Variants in RAD21L1 observed in about 807,000 individuals in gnomAD.
The protein encoded by RAD21L1 is double-strand-break repair protein rad21-like protein 1.
In RAD21L1, 47 loss-of-function variants were observed where a neutral mutation model predicts 69.0. That is an observed-to-expected ratio of 0.68 (90% confidence interval 0.54 to 0.87). The LOEUF (loss-of-function observed/expected upper bound fraction) is 0.87. RAD21L1 is among the 40% of genes least tolerant of loss of function. The pLI is 0.00. For missense variants in RAD21L1, 583 were observed against 647.6 expected, an observed-to-expected ratio of 0.90 and a Z score of 1.08; for synonymous variants, 177 against 205.8, an observed-to-expected ratio of 0.86 and a Z score of 1.20.
intron 11 of RAD21L1, among the ~76,000 whole-genome samples, 155 bp downstream of exon 11, chr20:1,244,325 G>T (rs906094762): frequency 2.0e-5 from 3 of 152,150 alleles, no homozygotes; most frequent in Non-Finnish European, 1.5e-5. Context: ...GGTAAAACAT[G>T]ATTTTCTTCT....
intron 5 of RAD21L1, among the ~76,000 whole-genome samples, chr20:1,237,364 A>G (rs1252803882): frequency 6.6e-6 from 1 of 152,136 alleles, no homozygotes; most frequent in African/African-American, 2.4e-5. Context: ...GACTCTTGTC[A>G]TTTATTATAG....
intron 6 of RAD21L1, among the ~76,000 whole-genome samples, 196 bp downstream of exon 6, chr20:1,238,410 G>T (rs1314298990): frequency 6.6e-6 from 1 of 152,018 alleles, no homozygotes; most frequent in Non-Finnish European, 1.5e-5. Flanking sequence ...ATAGCCGTCT[G>T]TTTAAATATA....
At chr20:1,252,653 C>T (rs765217523) in intron 13 of RAD21L1, among the ~76,000 whole-genome samples, 4 of 152,198 alleles carry the variant, frequency 2.6e-5, no homozygotes, top group African/African-American at 7.2e-5. Flanking sequence ...GTGTGAGTAG[C>T]GGTCTCCGCT....
chr20:1,238,036 T>G lies in RAD21L1; in HGVS notation c.476-8T>G, dbSNP rs1476285875. The G allele has an allele frequency of 2.8e-6, 4 of 1,435,136 alleles. No homozygotes were observed. Among genetic ancestry groups the G allele is most frequent in the Non-Finnish European group, 1.9e-6 (2 of 1,056,690 alleles). The allele number at this position is 1,435,136 out of a possible 1,614,324, so 88.9% of individuals were successfully genotyped here. A position where few individuals can be genotyped will look rare whatever the true frequency, so the allele number is the denominator to read the frequency against. ...ATGAATTAGTATTAATGATATATAT[T>G]TATTTAGGGGAGGAATCTGAAATTC... On this transcript the variant is annotated splice_region_variant and splice_polypyrimidine_tract_variant and intron_variant, in intron 5 of 13. Coordinates refer to ENST00000683101, the MANE Select transcript of RAD21L1 (RefSeq NM_001384355.1).
At chr20:1,239,432 G>A (rs2087563170) in intron 7 of RAD21L1, 25 bp downstream of exon 7, 2 of 1,228,252 alleles carry the variant, frequency 1.6e-6, no homozygotes, top group Non-Finnish European at 1.2e-6. Context: ...TCCTTTATGA[G>A]AAAGTAATGG....
At chr20:1,239,099 T>C (rs1165064734) in intron 6 of RAD21L1, among the ~76,000 whole-genome samples, 1 of 152,188 alleles carries the variant, frequency 6.6e-6, no homozygotes, top group Non-Finnish European at 1.5e-5. Flanking sequence ...TGTGCTGGGA[T>C]TATAGGAGTG....
At position 1,240,450 on chromosome 20, in the gene RAD21L1, G is replaced by A. The variant is rs764181846; in HGVS notation, c.856+16G>A. 5.9e-6 allele frequency: 9 copies of A among 1,529,294 alleles called. No individual in the cohort carries two copies. Among genetic ancestry groups the A allele is most frequent in the South Asian group, 2.5e-5 (2 of 78,738 alleles). 94.7% of individuals were successfully genotyped at this position (1,529,294 alleles called of 1,614,324 possible). A position where few individuals can be genotyped will look rare whatever the true frequency, so the allele number is the denominator to read the frequency against. On this transcript the variant is annotated intron_variant, in intron 8 of 13. Coordinates refer to ENST00000683101, the MANE Select transcript of RAD21L1 (RefSeq NM_001384355.1). ...GATATTTCAGGTCAGAGGCATTTAC[G>A]GTTTTGTTTTAATTTTTAATACACT... is the stretch of plus-strand genomic sequence containing the variant.
chr20:1,238,288 A>G, intron 6 of RAD21L1, 74 bp downstream of exon 6: 2 of 1,030,370 alleles, frequency 1.9e-6, no homozygotes, highest in South Asian at 3.0e-5. Context: ...TAGATTTATT[A>G]TATCAATCTA....
At chr20:1,243,241 A>G in intron 10 of RAD21L1, 45 bp downstream of exon 10, 1 of 960,700 alleles carries the variant, frequency 1.0e-6, no homozygotes, top group Admixed American at 3.3e-5. Flanking sequence ...ATGCTGTGGA[A>G]ACAAAAATTT....
At chr20:1,236,561 G>T (rs1299500379) in intron 5 of RAD21L1, among the ~76,000 whole-genome samples, 1 of 151,822 alleles carries the variant, frequency 6.6e-6, no homozygotes, top group South Asian at 2.1e-4. Flanking sequence ...CTTAGTAAAT[G>T]GGCAGATTTG....
chr20:1,247,718 T>C (rs2087743609), intron 12 of RAD21L1, among the ~76,000 whole-genome samples: 1 of 152,128 alleles, frequency 6.6e-6, no homozygotes, highest in African/African-American at 2.4e-5. Flanking sequence ...TGTAATTGTC[T>C]TGGAGTCTAT....
intron 12 of RAD21L1, among the ~76,000 whole-genome samples, chr20:1,247,880 C>T (rs6109137): frequency 6.6e-6 from 1 of 152,066 alleles, no homozygotes; most frequent in East Asian, 1.9e-4. Flanking sequence ...GTTTGTGCCA[C>T]TTCCCTTCCC....
At chr20:1,242,896 T>TAATA (rs201553222) in intron 9 of RAD21L1, 51 bp downstream of exon 9, 5 of 1,167,524 alleles carry the variant, frequency 4.3e-6, no homozygotes, top group East Asian at 5.1e-5. Context: ...TATAAATAAA[T>TAATA]AATAAATAAA....
At chr20:1,226,425 G>C (rs937357583) in intron 1 of RAD21L1, 2 of 149,656 alleles carry the variant, frequency 1.3e-5, no homozygotes, top group Non-Finnish European at 3.0e-5. Context: ...GAACTCTGAG[G>C]AGTCGTCTGT....
In RAD21L1 at chr20:1,230,024, T is replaced by C. The variant is rs1415525491; in HGVS notation, c.274+15T>C. ...ATTTTGCCCAGGTATACATGTAATA[T>C]TGATTTGTCTCCTTCTTGGTTCCCT... On this transcript the variant is annotated intron_variant, in intron 3 of 13. Coordinates refer to ENST00000683101, the MANE Select transcript of RAD21L1 (RefSeq NM_001384355.1). The C allele has an allele frequency of 1.3e-6, 2 of 1,528,722 alleles. No individual in the cohort carries two copies. The highest frequency in any genetic ancestry group is 1.2e-5 in the South Asian group (1 of 82,002). 94.7% of individuals were successfully genotyped at this position (1,528,722 alleles called of 1,614,324 possible).
intron 3 of RAD21L1, among the ~76,000 whole-genome samples, 174 bp downstream of exon 3, chr20:1,230,183 A>G (rs79088681): frequency 0.06 from 9,193 of 152,208 alleles, 383 homozygotes; most frequent in South Asian, 0.1. Context: ...CTTTTTCTAT[A>G]CCTGCAGGAA....
chr20:1,250,715 A>C (rs2087811127), intron 13 of RAD21L1, among the ~76,000 whole-genome samples: 1 of 151,998 alleles, frequency 6.6e-6, no homozygotes, highest in Non-Finnish European at 1.5e-5. Flanking sequence ...CCTTTACTTC[A>C]TTTTTTTATT....
In RAD21L1 at chr20:1,254,289, G is replaced by A. The variant is rs1173830540; in HGVS notation, c.1500G>A (p.Met500Ile). The change falls in exon 14 of 14, where the codon ATG (methionine) becomes ATA (isoleucine). Residue 500 changes from methionine to isoleucine, a missense_variant. Physicochemically the swap from Met to Ile is conservative, Grantham distance 10. Transcript: ENST00000683101. Reference sequence around the variant, plus strand: ...CCCAGGAATCTAACAAGATGGGAATGCAGTCCTTTAGTCTGATGAAGCTCT... The same window carrying A: ...CCCAGGAATCTAACAAGATGGGAATACAGTCCTTTAGTCTGATGAAGCTCT... ...NRLRESNKMG[M>I]QSFSLMKLCR... 30 of 1,527,542 alleles carry A rather than the reference G, an allele frequency of 2.0e-5. No homozygotes were observed. Among genetic ancestry groups the A allele is most frequent in the Non-Finnish European group, 2.5e-5 (28 of 1,133,440 alleles). The allele number at this position is 1,527,542 out of a possible 1,614,324, so 94.6% of individuals were successfully genotyped here.
At position 1,242,625 on chromosome 20, in the gene RAD21L1, C is replaced by A. The variant is rs1315081247; in HGVS notation, c.863C>A (p.Ala288Asp). The A allele has an allele frequency of 2.6e-6, 4 of 1,548,244 alleles. No individual in the cohort carries two copies. The South Asian group carries it at 4.8e-5, about 18-fold the overall frequency. ...TLDPIDISDI[A>D]EKRKGKKRRL... ...TGCTATTTCTTATATTTAGACATTGCTGAGAAAAGGAAAGGCAAAAAGAGG... is the reference window on the plus strand; with the variant it reads ...TGCTATTTCTTATATTTAGACATTGATGAGAAAAGGAAAGGCAAAAAGAGG... Residue 288 changes from alanine (A) to aspartate (D), a missense_variant, in exon 9 of 14, where the codon GCT (alanine) becomes GAT (aspartate). Physicochemically the swap from Ala to Asp is moderately radical, Grantham distance 126. Transcript: ENST00000683101.
Sources: allele counts gnomAD v4.1 joint callset (sites outside exome capture counted in the v4.1 genomes callset), GRCh38; gene constraint gnomAD v4.1.1; transcripts MANE v1.5; gene names NCBI Gene and HGNC (gene_info 2026-07-23, HGNC 2026-07-21).